The following NBEAL1 variants were observed in gnomAD, a reference collection of about 807,000 sequenced individuals.
NBEAL1 encodes neurobeachin like 1, also known as neurobeachin-like protein 1.
NBEAL1 carries 273 observed loss-of-function variants against 351.3 expected under a neutral mutation model. The ratio of observed to expected loss-of-function variants is 0.78; its 90% CI spans 0.70 to 0.86. The LOEUF (loss-of-function observed/expected upper bound fraction) is 0.86. Ranked by LOEUF, NBEAL1 falls within the 40% of genes least tolerant of loss-of-function variation. NBEAL1 has a pLI of 0.00. For synonymous variants in NBEAL1, 1,050 were observed against 1,086.4 expected, an observed-to-expected ratio of 0.97 and a Z score of 0.66; for missense variants, 2,961 against 3,201.3, an observed-to-expected ratio of 0.92 and a Z score of 1.81.
chr2:203,061,436 G>C (rs1277238439), intron 6 of NBEAL1: 26 of 152,234 alleles, frequency 1.7e-4, no homozygotes, highest in Admixed American at 1.7e-3. Context: ...CTGTTGAAGG[G>C]ATCTGGGAAA....
chr2:203,054,798 A>G (rs760013569), intron 4 of NBEAL1, among the ~76,000 whole-genome samples: 57 of 152,216 alleles, frequency 3.7e-4, no homozygotes, highest in Non-Finnish European at 7.3e-4. Flanking sequence ...CCTCTAATAC[A>G]GTGAATGATT....
In NBEAL1 at chr2:203,210,622, C is replaced by T. The variant is rs1408232572; in HGVS notation, c.7786-336C>T. Among the ~76,000 whole-genome samples, 5 of 152,150 alleles carry T rather than the reference C, an allele frequency of 3.3e-5. No individual in the cohort carries two copies. The East Asian group carries it at 9.6e-4, about 29-fold the overall frequency. On this transcript the variant is annotated intron_variant, in intron 53 of 55. Coordinates refer to ENST00000683969, the MANE Select transcript of NBEAL1 (RefSeq NM_001378026.1). ...GAGCTTTCAGTGAGCCAAGATTGTG[C>T]CACTGCACTCCAGCCTGGGTGACAG...
chr2:203,042,963 C>T (rs1418082228), intron 3 of NBEAL1, among the ~76,000 whole-genome samples: 3 of 152,128 alleles, frequency 2.0e-5, no homozygotes, highest in Non-Finnish European at 2.9e-5. Context: ...TTTGCATAGA[C>T]TCAGGTGTAA....
intron 36 of NBEAL1, 152 bp downstream of exon 36, chr2:203,157,977 T>C (rs773955237): frequency 2.7e-5 from 15 of 549,650 alleles, no homozygotes; most frequent in Non-Finnish European, 4.0e-5. Flanking sequence ...TTAACTGAGA[T>C]TATTGAGGAA....
intron 19 of NBEAL1, among the ~76,000 whole-genome samples, chr2:203,124,152 C>T (rs1309980941): frequency 2.6e-5 from 4 of 152,092 alleles, no homozygotes; most frequent in African/African-American, 7.2e-5. Flanking sequence ...GCCTGGGCAA[C>T]ATGGCAAAAC....
At chr2:203,050,189 G>C (rs1420950487) in intron 4 of NBEAL1, 2 of 349,704 alleles carry the variant, frequency 5.7e-6, no homozygotes, top group African/African-American at 4.2e-5. Flanking sequence ...TAACAAACCT[G>C]CACATTCTGC....
chr2:203,125,212 C>T, intron 19 of NBEAL1, 140 bp from the exon 20 acceptor site: 1 of 537,736 alleles, frequency 1.9e-6, no homozygotes, highest in Non-Finnish European at 3.0e-6. Context: ...TCTTCCTACA[C>T]AAAAATTCCT....
At chr2:203,138,017 T>C (rs2063264301) in intron 29 of NBEAL1, 145 bp from the exon 30 acceptor site, 1 of 746,044 alleles carries the variant, frequency 1.3e-6, no homozygotes, top group African/African-American at 1.8e-5. Flanking sequence ...TCAATTTCCA[T>C]TTACAGTATC....
chr2:203,129,000 C>G (rs2063011855), intron 24 of NBEAL1, among the ~76,000 whole-genome samples: 1 of 152,136 alleles, frequency 6.6e-6, no homozygotes, highest in African/African-American at 2.4e-5. Flanking sequence ...ATCCTCAGAA[C>G]TACCCTTTAA....
At position 203,130,422 on chromosome 2, in the gene NBEAL1, C is replaced by T. The variant is rs759826095; in HGVS notation, c.3510C>T (p.Tyr1170=). ...LFEPGNADIL[Y]ALLLNQKYSD... ...AACCAGGAAATGCTGACATACTGTACGCATTGCTCTTAAATCAGAAGTACT... is the reference window on the plus strand; with the variant it reads ...AACCAGGAAATGCTGACATACTGTATGCATTGCTCTTAAATCAGAAGTACT... Residue 1170 remains tyrosine, a synonymous_variant, in exon 25 of 56, where the codon TAC becomes TAT. Transcript: ENST00000683969. The T allele has an allele frequency of 2.4e-4, 364 of 1,500,448 alleles. No individual in the cohort carries two copies. Among genetic ancestry groups the T allele is most frequent in the Non-Finnish European group, 2.1e-4 (234 of 1,129,688 alleles). 92.9% of individuals were successfully genotyped at this position (1,500,448 alleles called of 1,614,324 possible).
chr2:203,041,777 T>A lies in NBEAL1; in HGVS notation c.64T>A (p.Tyr22Asn). ...TTTGTTATTTCAGAAAGATCCAGAT[T>A]ACCTGAAGCTGTGGTTGGACACTTT... ...MLYCTKKDPD[Y>N]LKLWLDTFVS... The change falls in exon 3 of 56, where the codon TAC (tyrosine) becomes AAC (asparagine). Residue 22 changes from tyrosine to asparagine, a missense_variant. Tyr to Asn is a moderately radical substitution (Grantham distance 143, BLOSUM62 -2). Transcript: ENST00000683969. 6.4e-6 allele frequency: 10 copies of A among 1,552,538 alleles called. No homozygotes were observed. The Middle Eastern group carries it at 1.5e-3, about 233-fold the overall frequency.
intron 35 of NBEAL1, among the ~76,000 whole-genome samples, chr2:203,156,872 C>G (rs946677995): frequency 3.9e-5 from 6 of 151,902 alleles, no homozygotes; most frequent in African/African-American, 1.5e-4. Context: ...TTTTCCAATC[C>G]TATAAATTAT....
chr2:203,175,239 T>C lies in NBEAL1; in HGVS notation c.6416T>C (p.Ile2139Thr). 1 of 1,614,014 alleles carries C rather than the reference T, an allele frequency of 6.2e-7. No homozygotes were observed. Among genetic ancestry groups the C allele is most frequent in the Non-Finnish European group, 8.5e-7 (1 of 1,179,950 alleles). Reference sequence around the variant, plus strand: ...TCTGCGGGGGTCATGCACTATCTCATTCGTGTAGAACCGTTCACCACCCTC... The same window carrying C: ...TCTGCGGGGGTCATGCACTATCTCACTCGTGTAGAACCGTTCACCACCCTC... ...SNSAGVMHYLIRVEPFTTLHI... is the reference protein window; with the variant it reads ...SNSAGVMHYLTRVEPFTTLHI... Residue 2139 changes from isoleucine to threonine, a missense_variant, in exon 42 of 56, where the codon ATT becomes ACT. By Grantham distance (89) the Ile-to-Thr change is moderately conservative. Coordinates refer to ENST00000683969, the MANE Select transcript of NBEAL1 (RefSeq NM_001378026.1).
Position 203,183,390 on chromosome 2 carries a change from T to C in NBEAL1, c.6705+2T>C. 1 of 1,514,914 alleles carries C rather than the reference T, an allele frequency of 6.6e-7. No homozygotes were observed. Among genetic ancestry groups the C allele is most frequent in the Non-Finnish European group, 9.0e-7 (1 of 1,109,136 alleles). 93.8% of individuals were successfully genotyped at this position (1,514,914 alleles called of 1,614,324 possible). On this transcript the variant is annotated splice_donor_variant, in intron 44 of 55. Transcript: ENST00000683969. LOFTEE classifies it high-confidence loss of function. Reference sequence around the variant, plus strand: ...ATCTATAAACATAGGAAAGCTTTGGTAAGAGTTTTGCATTTAGTTATTTGA... The same window carrying C: ...ATCTATAAACATAGGAAAGCTTTGGCAAGAGTTTTGCATTTAGTTATTTGA...
At chr2:203,014,795 C>T (rs1324634144), upstream of NBEAL1, 2 of 152,324 alleles carry the variant, frequency 1.3e-5, no homozygotes, top group Admixed American at 1.3e-4. Context: ...CTGGGTAAAT[C>T]CTCAGCGGCC....
At chr2:203,165,185 C>A (rs530689128) in intron 36 of NBEAL1, among the ~76,000 whole-genome samples, 2 of 152,158 alleles carry the variant, frequency 1.3e-5, no homozygotes, top group Admixed American at 6.5e-5. Context: ...CTATACTTGG[C>A]AGTTAAAGTC....
rs907775420 is a variant in NBEAL1, at chr2:203,108,089, C to G, written c.1850C>G (p.Pro617Arg). The G allele has an allele frequency of 1.9e-6, 3 of 1,552,078 alleles. No homozygotes were observed. Among genetic ancestry groups the G allele is most frequent in the Non-Finnish European group, 2.6e-6 (3 of 1,147,084 alleles). The part of the protein sequence containing the change: ...GISVPPIQKW[P>R]GSAFSFSAWF... ...TCTGTGCCTCCCATACAGAAATGGC[C>G]AGGGTCTGCCTTTTCTTTCAGTGCT... is the stretch of plus-strand genomic sequence containing the variant. The change falls in exon 14 of 56, where the codon CCA (proline) becomes CGA (arginine). Residue 617 changes from proline (P) to arginine (R), a missense_variant. Transcript: ENST00000683969.
chr2:203,147,257 A>G (rs2063536397), intron 33 of NBEAL1, among the ~76,000 whole-genome samples: 1 of 152,166 alleles, frequency 6.6e-6, no homozygotes, highest in Non-Finnish European at 1.5e-5. Context: ...TCTGTGTAGG[A>G]AGTCTTAAGG....
At chr2:203,208,812 T>C in intron 52 of NBEAL1, 59 bp downstream of exon 52, 1 of 1,312,366 alleles carries the variant, frequency 7.6e-7, no homozygotes, top group Non-Finnish European at 1.1e-6. Flanking sequence ...TTACCAACAC[T>C]TATAACTAAA....
Sources: allele counts gnomAD v4.1 joint callset (sites outside exome capture counted in the v4.1 genomes callset), GRCh38; gene constraint gnomAD v4.1.1; transcripts MANE v1.5; gene names NCBI Gene and HGNC (gene_info 2026-07-23, HGNC 2026-07-21).